KNTC1: variants seen among roughly 807,000 people sequenced by gnomAD.
The protein encoded by KNTC1 is kinetochore associated 1.
KNTC1 carries 253 observed loss-of-function variants against 314.4 expected under a neutral mutation model. The observed-to-expected ratio is 0.80, with a 90% CI of 0.73 to 0.89. The LOEUF (loss-of-function observed/expected upper bound fraction) is 0.89, where lower values mean the gene tolerates loss of function less well. Among genes scored for constraint, KNTC1 ranks in the 40% least tolerant of loss-of-function variants. The pLI is 0.00. For missense variants in KNTC1, 2,475 were observed against 2,572.9 expected (o/e 0.96, Z 0.82); for synonymous variants, 901 against 901.4 (o/e 1.00, Z 0.01).
intron 18 of KNTC1, among the ~76,000 whole-genome samples, chr12:122,558,870 A>C (rs1440874168): frequency 6.6e-6 from 1 of 152,146 alleles, no homozygotes; most frequent in South Asian, 2.1e-4. Context: ...GACTCTTATC[A>C]AAAAACAAAA....
At chr12:122,566,209 G>C (rs1416453398) in intron 20 of KNTC1, among the ~76,000 whole-genome samples, 1 of 151,476 alleles carries the variant, frequency 6.6e-6, no homozygotes, top group Non-Finnish European at 1.5e-5. Flanking sequence ...CCAAAGTGCT[G>C]GGATTACAAG....
intron 4 of KNTC1, 87 bp downstream of exon 4, chr12:122,538,541 C>T: frequency 1.3e-6 from 1 of 743,918 alleles, no homozygotes; most frequent in Admixed American, 3.0e-5. Flanking sequence ...TATTACTTAA[C>T]ATGTGTTTTA....
intron 29 of KNTC1, among the ~76,000 whole-genome samples, chr12:122,576,446 C>T (rs1336492141): frequency 1.3e-5 from 2 of 152,152 alleles, no homozygotes; most frequent in East Asian, 3.9e-4. Context: ...TTTGGGAGGC[C>T]AAGGTGGGTG....
chr12:122,609,338 C>A, intron 51 of KNTC1, 46 bp from the exon 52 acceptor site: 1 of 1,168,412 alleles, frequency 8.6e-7, no homozygotes. Flanking sequence ...TTTGTTTAGT[C>A]ATAAACTTTT....
At chr12:122,593,938 A>G (rs1870675500) in intron 42 of KNTC1, 1 of 195,110 alleles carries the variant, frequency 5.1e-6, no homozygotes, top group African/African-American at 2.3e-5. Flanking sequence ...TTTATTTGCC[A>G]ACAGTTGACT....
intron 20 of KNTC1, among the ~76,000 whole-genome samples, chr12:122,565,987 G>A (rs1964307811): frequency 1.4e-5 from 2 of 143,304 alleles, no homozygotes; most frequent in Admixed American, 7.0e-5. Flanking sequence ...GAGTCTAGGA[G>A]TGTGGAGTGC....
rs1383670821 is a variant in KNTC1, at chr12:122,579,355, C to T, written c.2842-550C>T. Reference sequence around the variant, plus strand: ...CTGGGATTACAGGCGTGAGCCACCGCGCCCGGCCCGTAGTCTGTATTCTTA... The same window carrying T: ...CTGGGATTACAGGCGTGAGCCACCGTGCCCGGCCCGTAGTCTGTATTCTTA... On this transcript the variant is annotated intron_variant, in intron 31 of 63. Transcript: ENST00000333479. Among the ~76,000 whole-genome samples, 5 of 151,972 alleles carry T rather than the reference C, an allele frequency of 3.3e-5. No homozygotes were observed. The East Asian group carries it at 9.6e-4, about 29-fold the overall frequency.
At chr12:122,571,220 C>A in intron 24 of KNTC1, 94 bp downstream of exon 24, 1 of 853,960 alleles carries the variant, frequency 1.2e-6, no homozygotes, top group Non-Finnish European at 1.8e-6. Flanking sequence ...AATATATCTA[C>A]TTCTTAAATT....
rs760358342 is a variant in KNTC1 at position 122,585,657 on chromosome 12, G to T, written c.3556G>T (p.Asp1186Tyr). The T allele has an allele frequency of 2.2e-5, 36 of 1,613,956 alleles. No homozygotes were observed. The highest frequency in any genetic ancestry group is 3.1e-5 in the Non-Finnish European group (36 of 1,179,862). ...LMKASFGTHK[D>Y]PYEEWSYSDF... ...CTAGGCTTCTTTTGGGACACATAAA[G>T]ATCCATATGAAGAGTGGTCTTACAG... is the stretch of plus-strand genomic sequence containing the variant. Residue 1186 changes from aspartate (D) to tyrosine (Y), a missense_variant, in exon 37 of 64, where the codon GAT (aspartate) becomes TAT (tyrosine). Coordinates refer to ENST00000333479, the MANE Select transcript of KNTC1 (RefSeq NM_014708.6).
At chr12:122,535,890 T>G (rs1961770838) in intron 3 of KNTC1, among the ~76,000 whole-genome samples, 1 of 126,936 alleles carries the variant, frequency 7.9e-6, no homozygotes, top group African/African-American at 3.2e-5. Context: ...ATTATGAAAG[T>G]TTTTTTTTTT....
intron 6 of KNTC1, 26 bp downstream of exon 6, chr12:122,542,153 A>G (rs1962391828): frequency 7.4e-7 from 1 of 1,359,116 alleles, no homozygotes; most frequent in Non-Finnish European, 1.0e-6. Context: ...TATTTTTATT[A>G]TTGATTTGCA....
intron 19 of KNTC1, among the ~76,000 whole-genome samples, chr12:122,562,418 A>G (rs1175967077): frequency 2.0e-5 from 3 of 149,434 alleles, no homozygotes; most frequent in Non-Finnish European, 4.4e-5. Flanking sequence ...GTAATTGGAA[A>G]TGTTTTTCTT....
chr12:122,588,849 G>GTTTTTT, intron 40 of KNTC1, 33 bp downstream of exon 40: 1 of 1,224,474 alleles, frequency 8.2e-7, no homozygotes, highest in African/African-American at 1.6e-5. Context: ...AATTTTGTTT[G>GTTTTTT]TTTTTTTTTT....
intron 33 of KNTC1, 52 bp from the exon 34 acceptor site, chr12:122,582,653 A>G (rs1213223454): frequency 8.9e-6 from 13 of 1,454,888 alleles, no homozygotes; most frequent in Non-Finnish European, 9.2e-6. Context: ...TGATTATTTT[A>G]AACAATAGAT....
At chr12:122,537,362 CA>C (rs1037049266) in intron 3 of KNTC1, among the ~76,000 whole-genome samples, 3 of 152,110 alleles carry the variant, frequency 2.0e-5, no homozygotes, top group African/African-American at 7.2e-5. Context: ...TTCCCCAGAA[CA>C]TCTATCACCT....
At chr12:122,564,439 A>T (rs990920255) in intron 20 of KNTC1, among the ~76,000 whole-genome samples, 1 of 152,128 alleles carries the variant, frequency 6.6e-6, no homozygotes, top group African/African-American at 2.4e-5. Context: ...ACACAATAAA[A>T]GAGAACCCAC....
chr12:122,573,733 A>G (rs1964846515), intron 26 of KNTC1, among the ~76,000 whole-genome samples: 1 of 152,216 alleles, frequency 6.6e-6, no homozygotes, highest in Non-Finnish European at 1.5e-5. Flanking sequence ...GGGAGCTTCC[A>G]GGTCACAGAT....
intron 12 of KNTC1, 127 bp from the exon 13 acceptor site, chr12:122,549,639 T>G (rs1294180866): frequency 1.6e-6 from 1 of 615,356 alleles, no homozygotes; most frequent in African/African-American, 1.9e-5. Flanking sequence ...GTGCTGGGAT[T>G]ATAGGCATGA....
intron 53 of KNTC1, chr12:122,611,433 A>C (rs536019326): frequency 6.6e-6 from 1 of 152,654 alleles, no homozygotes; most frequent in African/African-American, 2.4e-5. Context: ...AGAGAAAAGG[A>C]AGAAAAGGAA....
Sources: gnomAD v4.1 joint callset for allele counts (sites outside exome capture counted in the v4.1 genomes callset) on GRCh38, gnomAD v4.1.1 for gene constraint, MANE v1.5 for transcripts, NCBI Gene and HGNC (gene_info 2026-07-23, HGNC 2026-07-21) for gene names.